Variants in RCAN3 observed in about 807,000 individuals in gnomAD.
RCAN3 encodes the protein regulator of calcineurin 3.
RCAN3 carries 19 observed loss-of-function variants against 21.9 expected under a neutral mutation model. The ratio of observed to expected loss-of-function variants is 0.87; its 90% CI spans 0.61 to 1.27. The LOEUF is 1.27. Among genes scored for constraint, RCAN3 ranks in the 50% most tolerant of loss-of-function variants. RCAN3 has a pLI of 0.00. For synonymous variants in RCAN3, 114 were observed against 112.3 expected (o/e 1.01, Z -0.09); for missense variants, 240 against 300.1 (o/e 0.80, Z 1.48).
At chr1:24,519,215 GTTTT>G (rs60599694) in intron 2 of RCAN3, among the ~76,000 whole-genome samples, 2 of 136,748 alleles carry the variant, frequency 1.5e-5, no homozygotes, top group Non-Finnish European at 3.2e-5. Flanking sequence ...CTGGCCTGAT[GTTTT>G]TTTTTTTTTT....
In RCAN3 at chr1:24,514,350, G is replaced by A; in HGVS notation, c.-23G>A. 1 of 1,601,402 alleles carries A rather than the reference G, an allele frequency of 6.2e-7. No individual in the cohort carries two copies. The highest frequency in any genetic ancestry group is 8.5e-7 in the Non-Finnish European group (1 of 1,173,780). On this transcript the variant is annotated 5_prime_UTR_variant, in exon 2 of 5. Coordinates refer to ENST00000374395, the MANE Select transcript of RCAN3 (RefSeq NM_013441.4). ...TAGACATCCTAGGACTATACAGAAG[G>A]AAAAGGCCCACTTTGGGGGATAATG... is the stretch of plus-strand genomic sequence containing the variant.
intron 2 of RCAN3, among the ~76,000 whole-genome samples, chr1:24,524,983 A>G (rs915594017): frequency 2.0e-5 from 3 of 151,896 alleles, no homozygotes; most frequent in Non-Finnish European, 4.4e-5. Context: ...GTTTAATAGA[A>G]GTGGTGGGCT....
chr1:24,535,267 G>A lies in RCAN3; in HGVS notation c.716G>A (p.Cys239Tyr), dbSNP rs750469328. Residue 239 changes from cysteine to tyrosine, a missense_variant, in exon 5 of 5, where the codon TGC (cysteine) becomes TAC (tyrosine). Transcript: ENST00000374395. ...TTGAATGAGCCCCAGACCTTTGATT[G>A]CGCGCTGTGAGGCCCTTGGTTGTGG... ...AALNEPQTFD[C>Y]AL The A allele has an allele frequency of 7.1e-6, 11 of 1,545,300 alleles. No homozygotes were observed. The highest frequency in any genetic ancestry group is 4.5e-5 in the Admixed American group (2 of 44,530).
At position 24,521,903 on chromosome 1, in the gene RCAN3, T is replaced by TCG. The variant is rs1423178757; in HGVS notation, c.195+7336_195+7337insCG. 9.6e-4 allele frequency among the ~76,000 whole-genome samples: 108 copies of TCG among 112,032 alleles called. 1 individual carries two copies. The highest frequency in any genetic ancestry group is 4.1e-3 in the Middle Eastern group (1 of 242). The allele number at this position is 112,032 out of a possible 152,430, so 73.5% of individuals were successfully genotyped here. A position where few individuals can be genotyped will look rare whatever the true frequency, so the allele number is the denominator to read the frequency against. ...AAAAAGAAAATAGAATATTGGTTGCTGGGGGGGGTGGGGAAAATATTTACA... is the reference window on the plus strand; with the variant it reads ...AAAAAGAAAATAGAATATTGGTTGCTCGGGGGGGGGTGGGGAAAATATTTACA... On this transcript the variant is annotated intron_variant, in intron 2 of 4. Coordinates refer to ENST00000374395, the MANE Select transcript of RCAN3 (RefSeq NM_013441.4).
chr1:24,517,101 T>TTTTG (rs1553150621), intron 2 of RCAN3, among the ~76,000 whole-genome samples: 11 of 151,468 alleles, frequency 7.3e-5, no homozygotes, highest in African/African-American at 1.5e-4. Context: ...TTTGTTTTTT[T>TTTTG]TTTGTTTGTT....
rs763997085 is a variant in RCAN3 at position 24,533,101 on chromosome 1, G to A, written c.388G>A (p.Val130Met). ...YFAQVQMSGEVRDKSYLLPPQ... is the reference protein window; with the variant it reads ...YFAQVQMSGEMRDKSYLLPPQ... ...CCTGCAGGTGCAGATGTCCGGCGAAGTGCGGGACAAGTCCTATCTCCTGCC... is the reference window on the plus strand; with the variant it reads ...CCTGCAGGTGCAGATGTCCGGCGAAATGCGGGACAAGTCCTATCTCCTGCC... The change falls in exon 4 of 5, where the codon GTG (valine) becomes ATG (methionine). Residue 130 changes from valine to methionine, a missense_variant. By Grantham distance (21) the Val-to-Met change is conservative. Coordinates refer to ENST00000374395, the MANE Select transcript of RCAN3 (RefSeq NM_013441.4). 6.6e-7 allele frequency: 1 copy of A among 1,512,758 alleles called. No homozygotes were observed. Among genetic ancestry groups the A allele is most frequent in the Non-Finnish European group, 8.8e-7 (1 of 1,132,214 alleles). The allele number at this position is 1,512,758 out of a possible 1,614,324, so 93.7% of individuals were successfully genotyped here.
At chr1:24,517,863 A>G (rs1156259708) in intron 2 of RCAN3, among the ~76,000 whole-genome samples, 1 of 152,030 alleles carries the variant, frequency 6.6e-6, no homozygotes, top group Non-Finnish European at 1.5e-5. Flanking sequence ...GGGCAGAATC[A>G]AATGTTTCCT....
Position 24,535,240 on chromosome 1 carries a change from C to T in RCAN3, c.689C>T (p.Ala230Val), listed in dbSNP as rs570531184. The change falls in exon 5 of 5, where the codon GCG (alanine) becomes GTG (valine). Residue 230 changes from alanine to valine, a missense_variant. Transcript: ENST00000374395. ...AGGCGCCCCGACCCTCCGACCGCAG[C>T]GTTGAATGAGCCCCAGACCTTTGAT... is the stretch of plus-strand genomic sequence containing the variant. Reference protein sequence around the residue: ...QTRRPDPPTAALNEPQTFDCA... With the variant: ...QTRRPDPPTAVLNEPQTFDCA... 123 of 1,578,272 alleles carry T rather than the reference C, an allele frequency of 7.8e-5. No individual in the cohort carries two copies. The South Asian group carries it at 1.1e-3, about 15-fold the overall frequency.
chr1:24,526,990 T>A (rs1649322094), intron 2 of RCAN3, among the ~76,000 whole-genome samples: 1 of 152,344 alleles, frequency 6.6e-6, no homozygotes, highest in East Asian at 1.9e-4. Flanking sequence ...ACTGATATGC[T>A]ACTTTAAAAT....
chr1:24,535,351 G>GT lies in RCAN3; in HGVS notation c.*76dup, dbSNP rs1157311135. ...GGCGCTCTGTGCCTGCGGCCGATGC[G>GT]TTGCTGCGAACAGCATAGGTGAGAC... On this transcript the variant is annotated 3_prime_UTR_variant, in exon 5 of 5. Transcript: ENST00000374395. 6.8e-7 allele frequency: 1 copy of GT among 1,462,088 alleles called. No homozygotes were observed. Among genetic ancestry groups the GT allele is most frequent in the East Asian group, 2.5e-5 (1 of 40,484 alleles). The allele number at this position is 1,462,088 out of a possible 1,614,324, so 90.6% of individuals were successfully genotyped here. A position where few individuals can be genotyped will look rare whatever the true frequency, so the allele number is the denominator to read the frequency against.
chr1:24,533,999 A>G (rs1267609380), intron 4 of RCAN3, among the ~76,000 whole-genome samples: 1 of 152,176 alleles, frequency 6.6e-6, no homozygotes. Context: ...TGGTGGTGAT[A>G]TCATCTCACT....
chr1:24,509,313 A>G (rs1647702734), intron 1 of RCAN3, among the ~76,000 whole-genome samples: 1 of 152,222 alleles, frequency 6.6e-6, no homozygotes, highest in Admixed American at 6.5e-5. Flanking sequence ...GCATTTCACG[A>G]AAGATTTCTC....
intron 2 of RCAN3, among the ~76,000 whole-genome samples, chr1:24,528,985 A>G (rs1022029609): frequency 6.6e-6 from 1 of 152,258 alleles, no homozygotes; most frequent in Non-Finnish European, 1.5e-5. Flanking sequence ...CACTGTGGAT[A>G]GCCTACTCCA....
Position 24,503,142 on chromosome 1 carries a change from C to T in RCAN3, c.-68C>T, listed in dbSNP as rs1647211322. 6.8e-6 allele frequency: 1 copy of T among 146,820 alleles called. No individual in the cohort carries two copies. Among genetic ancestry groups the T allele is most frequent in the Non-Finnish European group, 1.5e-5 (1 of 66,074 alleles). The allele number at this position is 146,820 out of a possible 1,614,324, so 9.1% of individuals were successfully genotyped here. ...GGTGAGGCCCCACGGCGCCCGGCCTCTCCAGCAGGTTTGCACCCAGCGCGG... is the reference window on the plus strand; with the variant it reads ...GGTGAGGCCCCACGGCGCCCGGCCTTTCCAGCAGGTTTGCACCCAGCGCGG... On this transcript the variant is annotated 5_prime_UTR_variant, in exon 1 of 5. Transcript: ENST00000374395.
At chr1:24,510,297 C>G (rs901521257) in intron 1 of RCAN3, among the ~76,000 whole-genome samples, 16 of 152,218 alleles carry the variant, frequency 1.1e-4, no homozygotes, top group Non-Finnish European at 1.8e-4. Flanking sequence ...GCATTGACTT[C>G]TAGCTATGAA....
chr1:24,514,595 A>G (rs1182013217), intron 2 of RCAN3, 28 bp downstream of exon 2: 3 of 1,596,468 alleles, frequency 1.9e-6, no homozygotes, highest in Non-Finnish European at 1.7e-6. Flanking sequence ...CTTTCCCTAC[A>G]TTTGTAGCAT....
In RCAN3 at chr1:24,537,919, C is replaced by CTGAT. The variant is rs1460452678; in HGVS notation, c.*2647_*2650dup. 1.3e-5 allele frequency: 2 copies of CTGAT among 152,138 alleles called. No homozygotes were observed. The highest frequency in any genetic ancestry group is 2.9e-5 in the Non-Finnish European group (2 of 68,044). 9.4% of individuals were successfully genotyped at this position (152,138 alleles called of 1,614,324 possible). ...CGTCTCAAAAAAAAAAGATTTAACC[C>CTGAT]TGATTGATAGTATAGTAGCCATGTT... On this transcript the variant is annotated 3_prime_UTR_variant, in exon 5 of 5. Transcript: ENST00000374395.
intron 1 of RCAN3, among the ~76,000 whole-genome samples, chr1:24,505,259 T>C (rs1647353308): frequency 6.9e-6 from 1 of 144,484 alleles, no homozygotes; most frequent in African/African-American, 2.5e-5. Context: ...TTTTTCTTTT[T>C]TTTGAGATCT....
At chr1:24,524,610 C>G (rs1649105185) in intron 2 of RCAN3, among the ~76,000 whole-genome samples, 1 of 152,062 alleles carries the variant, frequency 6.6e-6, no homozygotes, top group South Asian at 2.1e-4. Context: ...ACTTTGCCTA[C>G]CCCCAGGCAG....
Sources: gnomAD v4.1 joint callset for allele counts (sites outside exome capture counted in the v4.1 genomes callset) on GRCh38, gnomAD v4.1.1 for gene constraint, MANE v1.5 for transcripts, NCBI Gene and HGNC (gene_info 2026-07-23, HGNC 2026-07-21) for gene names.